The following SLC41A2 variants were observed in gnomAD, a reference collection of about 807,000 sequenced individuals.
The protein encoded by SLC41A2 is solute carrier family 41 member 2.
Under a neutral mutation model 58.3 loss-of-function variants are expected in SLC41A2, and 32 were observed. The observed-to-expected ratio is 0.55, with a 90% confidence interval of 0.41 to 0.74. The LOEUF (loss-of-function observed/expected upper bound fraction) is 0.74. SLC41A2 is among the 30% of genes least tolerant of loss of function. The pLI is 0.00. For missense variants in SLC41A2, 514 were observed against 680.6 expected, an observed-to-expected ratio of 0.76 and a Z score of 2.72; for synonymous variants, 190 against 235.0, an observed-to-expected ratio of 0.81 and a Z score of 1.75.
At chr12:104,843,805 T>C (rs1398559961) in intron 10 of SLC41A2, among the ~76,000 whole-genome samples, 1 of 152,156 alleles carries the variant, frequency 6.6e-6, no homozygotes, top group Non-Finnish European at 1.5e-5. Flanking sequence ...AGAACAAATA[T>C]CATAGCATTT....
intron 4 of SLC41A2, among the ~76,000 whole-genome samples, chr12:104,890,476 T>A (rs1211074000): frequency 1.3e-5 from 2 of 152,294 alleles, no homozygotes; most frequent in Middle Eastern, 3.4e-3. Flanking sequence ...TGGCTTGACA[T>A]TGGAACACAG....
chr12:104,819,074 T>C (rs1040110498), intron 10 of SLC41A2, among the ~76,000 whole-genome samples: 7 of 152,030 alleles, frequency 4.6e-5, no homozygotes, highest in African/African-American at 1.2e-4. Context: ...ATTTAGAAAA[T>C]ATACTTTTTT....
intron 1 of SLC41A2, among the ~76,000 whole-genome samples, chr12:104,949,928 G>C (rs1044575731): frequency 2.0e-5 from 3 of 152,092 alleles, no homozygotes; most frequent in Admixed American, 2.0e-4. Flanking sequence ...AGAAATTGAG[G>C]GGAGGTGGGG....
chr12:104,865,119 G>A (rs912998329), intron 7 of SLC41A2, among the ~76,000 whole-genome samples: 5 of 152,176 alleles, frequency 3.3e-5, no homozygotes, highest in African/African-American at 1.2e-4. Context: ...GTTAGTATCT[G>A]CAGATCTGAT....
chr12:104,934,585 GTTCAT>G (rs1415141077), intron 1 of SLC41A2, among the ~76,000 whole-genome samples: 1 of 152,100 alleles, frequency 6.6e-6, no homozygotes, highest in Non-Finnish European at 1.5e-5. Flanking sequence ...GCACTCCCAT[GTTCAT>G]TTCAGTATTG....
chr12:104,887,697 A>C (rs1228697925), intron 5 of SLC41A2, among the ~76,000 whole-genome samples: 4 of 152,008 alleles, frequency 2.6e-5, no homozygotes, highest in African/African-American at 7.2e-5. Context: ...ATATCTTTTC[A>C]ACTGAAAACA....
rs1434903412 is a variant in SLC41A2, at chr12:104,805,083, G to A, written c.*69C>T. ...GTCAAACTACTGATTTAAGAGTTTT[G>A]AAAAAGAGCCATAAGTGGTTGTCGT... On this transcript the variant is annotated 3_prime_UTR_variant, in exon 11 of 11. Transcript: ENST00000258538. The A allele has an allele frequency of 1.5e-5, 20 of 1,344,130 alleles. No individual in the cohort carries two copies. The highest frequency in any genetic ancestry group is 1.2e-4 in the Admixed American group (5 of 42,168). 83.3% of individuals were successfully genotyped at this position (1,344,130 alleles called of 1,614,324 possible).
Position 104,889,656 on chromosome 12 carries a change from T to C in SLC41A2, c.736-479A>G, listed in dbSNP as rs2044849950. Among the ~76,000 whole-genome samples the C allele has an allele frequency of 2.0e-5, 3 of 152,220 alleles. 1 individual carries two copies. The highest frequency in any genetic ancestry group is 6.3e-3 in the Middle Eastern group (2 of 316). On this transcript the variant is annotated intron_variant, in intron 4 of 10. Coordinates refer to ENST00000258538, the MANE Select transcript of SLC41A2 (RefSeq NM_001352171.3). The stretch of plus-strand genomic sequence containing the variant: ...GTATTTATTTAGATTCTACTATGTA[T>C]AATGTGCTATGTTTTGTGTTGGGCT...
At chr12:104,862,462 T>C (rs1445099090) in intron 7 of SLC41A2, among the ~76,000 whole-genome samples, 3 of 152,144 alleles carry the variant, frequency 2.0e-5, no homozygotes, top group Non-Finnish European at 4.4e-5. Flanking sequence ...ATATAGATCA[T>C]GTTGTGGATA....
chr12:104,932,503 T>C (rs1309235994), intron 1 of SLC41A2, among the ~76,000 whole-genome samples: 1 of 151,518 alleles, frequency 6.6e-6, no homozygotes, highest in Non-Finnish European at 1.5e-5. Flanking sequence ...CGTGCACCTG[T>C]AGTCCCAGCT....
intron 2 of SLC41A2, among the ~76,000 whole-genome samples, chr12:104,917,754 AG>A (rs2135822455): frequency 7.0e-6 from 1 of 142,716 alleles, no homozygotes; most frequent in African/African-American, 2.6e-5. Flanking sequence ...TCTCACTCAT[AG>A]GTGGGAATTG....
chr12:104,912,807 T>A (rs190899075), intron 2 of SLC41A2, among the ~76,000 whole-genome samples: 40 of 152,268 alleles, frequency 2.6e-4, no homozygotes, highest in Middle Eastern at 3.4e-3. Context: ...CCTCAACCTG[T>A]GGGATCTGAT....
intron 3 of SLC41A2, among the ~76,000 whole-genome samples, chr12:104,902,477 T>C (rs2045611941): frequency 6.6e-6 from 1 of 152,086 alleles, no homozygotes; most frequent in Non-Finnish European, 1.5e-5. Context: ...ATGTATTGAG[T>C]GGTATCCAAA....
intron 10 of SLC41A2, among the ~76,000 whole-genome samples, chr12:104,832,136 G>C (rs553398172): frequency 8.5e-5 from 13 of 152,264 alleles, no homozygotes; most frequent in African/African-American, 3.1e-4. Context: ...CATGGGAATT[G>C]ACTATTAACC....
intron 2 of SLC41A2, among the ~76,000 whole-genome samples, chr12:104,923,420 G>A (rs1249278826): frequency 1.4e-5 from 2 of 147,918 alleles, no homozygotes; most frequent in Non-Finnish European, 3.0e-5. Flanking sequence ...GCACCCCAAG[G>A]AACTAGAAAA....
intron 10 of SLC41A2, among the ~76,000 whole-genome samples, chr12:104,830,875 A>G (rs181575290): frequency 5.3e-5 from 8 of 152,292 alleles, no homozygotes; most frequent in Non-Finnish European, 2.9e-5. Flanking sequence ...ATCAAACTTC[A>G]TTTACTTTTA....
At position 104,805,350 on chromosome 12, in the gene SLC41A2, A is replaced by G; in HGVS notation, c.1537-13T>C. On this transcript the variant is annotated splice_polypyrimidine_tract_variant and intron_variant, in intron 10 of 10. Coordinates refer to ENST00000258538, the MANE Select transcript of SLC41A2 (RefSeq NM_001352171.3). ...GCAAGGTAAATACCTAGAAGAGAAC[A>G]ACAGAGATTACTCCGGCTGCCTGGA... is the stretch of plus-strand genomic sequence containing the variant. The G allele has an allele frequency of 6.2e-7, 1 of 1,606,830 alleles. No individual in the cohort carries two copies.
At chr12:104,889,655 A>G (rs946549559) in intron 4 of SLC41A2, among the ~76,000 whole-genome samples, 1 of 152,210 alleles carries the variant, frequency 6.6e-6, no homozygotes, top group African/African-American at 2.4e-5. Context: ...TCTACTATGT[A>G]TAATGTGCTA....
chr12:104,947,195 C>CTTT (rs1565923573), intron 1 of SLC41A2, among the ~76,000 whole-genome samples: 4 of 113,524 alleles, frequency 3.5e-5, no homozygotes, highest in Admixed American at 8.6e-5. Context: ...TATTTTTGTC[C>CTTT]TTTTTTTTTT....
Sources: allele counts gnomAD v4.1 joint callset (sites outside exome capture counted in the v4.1 genomes callset), GRCh38; gene constraint gnomAD v4.1.1; transcripts MANE v1.5; gene names NCBI Gene and HGNC (gene_info 2026-07-23, HGNC 2026-07-21).